COL25A1: variants seen among roughly 807,000 people sequenced by gnomAD.
COL25A1 encodes the protein collagen type XXV alpha 1 chain.
Under a neutral mutation model 128.4 loss-of-function variants are expected in COL25A1, and 103 were observed. The ratio of observed to expected loss-of-function variants is 0.80; its 90% CI spans 0.68 to 0.94. The LOEUF is 0.94. Among genes scored for constraint, COL25A1 ranks in the 40% least tolerant of loss-of-function variants. The pLI, the probability that COL25A1 is intolerant of heterozygous loss-of-function variation, is 0.00. For synonymous variants in COL25A1, 279 were observed against 277.2 expected (o/e 1.01, Z -0.06); for missense variants, 745 against 840.0 (o/e 0.89, Z 1.40).
chr4:108,944,982 G>A (rs1748554390), intron 8 of COL25A1, among the ~76,000 whole-genome samples: 1 of 152,260 alleles, frequency 6.6e-6, no homozygotes, highest in Non-Finnish European at 1.5e-5. Flanking sequence ...TGTGGACAGA[G>A]TTTCTTATAT....
intron 11 of COL25A1, among the ~76,000 whole-genome samples, chr4:108,929,516 A>T (rs1171331756): frequency 6.6e-6 from 1 of 152,096 alleles, no homozygotes; most frequent in Non-Finnish European, 1.5e-5. Context: ...GCACACATAT[A>T]CTCCAAATAA....
At chr4:108,916,074 T>C (rs1270127629) in intron 13 of COL25A1, among the ~76,000 whole-genome samples, 1 of 152,206 alleles carries the variant, frequency 6.6e-6, no homozygotes, top group Non-Finnish European at 1.5e-5. Context: ...AGACTCGTGT[T>C]TTTTACACTT....
intron 3 of COL25A1, among the ~76,000 whole-genome samples, chr4:109,102,072 A>G (rs1432472301): frequency 1.3e-5 from 2 of 152,212 alleles, no homozygotes; most frequent in Non-Finnish European, 2.9e-5. Flanking sequence ...AGAGCATAAT[A>G]TGATTATCAT....
chr4:109,227,147 A>T (rs993542637), intron 3 of COL25A1, among the ~76,000 whole-genome samples: 12 of 152,208 alleles, frequency 7.9e-5, no homozygotes, highest in Non-Finnish European at 1.3e-4. Context: ...ATGTACAAAA[A>T]GGAAATTTCT....
intron 5 of COL25A1, among the ~76,000 whole-genome samples, chr4:109,026,206 G>A (rs1000385026): frequency 6.6e-6 from 1 of 151,750 alleles, no homozygotes; most frequent in African/African-American, 2.4e-5. Context: ...CTGACTAGGG[G>A]TAATGTAATG....
intron 26 of COL25A1, among the ~76,000 whole-genome samples, chr4:108,851,524 C>T (rs1046703329): frequency 6.6e-6 from 1 of 152,092 alleles, no homozygotes; most frequent in Non-Finnish European, 1.5e-5. Context: ...GAATCTCCTA[C>T]AAGAATCCAA....
chr4:109,054,568 C>A (rs928929739), intron 3 of COL25A1, among the ~76,000 whole-genome samples: 5 of 152,122 alleles, frequency 3.3e-5, no homozygotes, highest in Non-Finnish European at 5.9e-5. Context: ...AAGATTTTGA[C>A]ACATTCTAAT....
intron 3 of COL25A1, among the ~76,000 whole-genome samples, chr4:109,172,793 C>T (rs527570367): frequency 6.6e-6 from 1 of 152,278 alleles, no homozygotes; most frequent in South Asian, 2.1e-4. Flanking sequence ...GCCACTCCTC[C>T]TTCTGTCAAG....
intron 19 of COL25A1, among the ~76,000 whole-genome samples, chr4:108,883,192 A>G (rs1051914154): frequency 2.6e-5 from 4 of 151,704 alleles, no homozygotes; most frequent in Non-Finnish European, 5.9e-5. Context: ...CACTCAGATA[A>G]TTTTTTTTGT....
chr4:109,057,431 T>G (rs1024603218), intron 3 of COL25A1, among the ~76,000 whole-genome samples: 49 of 121,072 alleles, frequency 4.0e-4, no homozygotes, highest in African/African-American at 1.5e-3. Flanking sequence ...ATTTTTTTTT[T>G]TTTTTTTTTT....
chr4:109,208,650 A>G (rs1777229783), intron 3 of COL25A1, among the ~76,000 whole-genome samples: 1 of 152,176 alleles, frequency 6.6e-6, no homozygotes, highest in Non-Finnish European at 1.5e-5. Flanking sequence ...ACAAAGAACC[A>G]CATTACGAAG....
At chr4:109,081,994 C>T (rs28769054) in intron 3 of COL25A1, among the ~76,000 whole-genome samples, 1 of 152,160 alleles carries the variant, frequency 6.6e-6, no homozygotes, top group Non-Finnish European at 1.5e-5. Context: ...TGTGAGCCAC[C>T]GCGCGTAGCC....
chr4:109,264,496 G>A (rs1781663042), intron 3 of COL25A1, among the ~76,000 whole-genome samples: 1 of 152,178 alleles, frequency 6.6e-6, no homozygotes, highest in South Asian at 2.1e-4. Flanking sequence ...AGAGCAAAAT[G>A]GACAAACTTG....
intron 31 of COL25A1, chr4:108,834,529 C>G (rs1207273460): frequency 1.5e-6 from 1 of 649,140 alleles, no homozygotes; most frequent in Non-Finnish European, 2.7e-6. Flanking sequence ...ATGAATATCA[C>G]ATTGCTACAA....
At chr4:109,099,087 TAC>T (rs1380259213) in intron 3 of COL25A1, among the ~76,000 whole-genome samples, 1 of 152,240 alleles carries the variant, frequency 6.6e-6, no homozygotes, top group African/African-American at 2.4e-5. Flanking sequence ...ACTATTATTT[TAC>T]ACTATTTTCT....
intron 5 of COL25A1, among the ~76,000 whole-genome samples, chr4:109,013,668 A>T (rs1286041972): frequency 6.6e-6 from 1 of 151,866 alleles, no homozygotes; most frequent in Non-Finnish European, 1.5e-5. Context: ...AGGAATGAAC[A>T]ACTCCAGACG....
chr4:109,002,666 T>G (rs1022880459), intron 6 of COL25A1, among the ~76,000 whole-genome samples: 9 of 152,176 alleles, frequency 5.9e-5, no homozygotes, highest in African/African-American at 2.2e-4. Flanking sequence ...GTTATAATAT[T>G]GCACAATGTA....
chr4:109,197,816 A>T (rs1776244609), intron 3 of COL25A1, among the ~76,000 whole-genome samples: 1 of 151,976 alleles, frequency 6.6e-6, no homozygotes, highest in African/African-American at 2.4e-5. Context: ...CTGATTCAAT[A>T]GATGAATAAG....
At chr4:109,043,532 T>C (rs533339609) in intron 5 of COL25A1, among the ~76,000 whole-genome samples, 8 of 152,064 alleles carry the variant, frequency 5.3e-5, no homozygotes, top group Admixed American at 5.2e-4. Context: ...CATATCTCTG[T>C]CAGTCAAGCA....
Sources: gnomAD v4.1 joint callset for allele counts (sites outside exome capture counted in the v4.1 genomes callset) on GRCh38, gnomAD v4.1.1 for gene constraint, MANE v1.5 for transcripts, NCBI Gene and HGNC (gene_info 2026-07-23, HGNC 2026-07-21) for gene names.